The following BTN3A3 variants were observed in gnomAD, a reference collection of about 807,000 sequenced individuals.
The protein encoded by BTN3A3 is butyrophilin 3.
Under a neutral mutation model 43.2 loss-of-function variants are expected in BTN3A3, and 39 were observed. That is an observed-to-expected ratio of 0.90 (90% CI 0.70 to 1.18). The LOEUF (loss-of-function observed/expected upper bound fraction) is 1.18. BTN3A3 is among the 50% of genes most tolerant of loss of function. The probability of loss-of-function intolerance (pLI) is 0.00; values close to 1 mark genes in which losing one functional copy is unlikely to be tolerated. For synonymous variants in BTN3A3, 255 were observed against 272.7 expected (o/e 0.93, Z 0.64); for missense variants, 631 against 722.8 (o/e 0.87, Z 1.46).
At chr6:26,443,034 C>T (rs894553669) in intron 1 of BTN3A3, among the ~76,000 whole-genome samples, 1 of 152,204 alleles carries the variant, frequency 6.6e-6, no homozygotes, top group Non-Finnish European at 1.5e-5. Context: ...CTCTCCTAAT[C>T]AATATCTTTG....
At chr6:26,450,753 A>C (rs1762908559) in intron 10 of BTN3A3, among the ~76,000 whole-genome samples, 1 of 152,194 alleles carries the variant, frequency 6.6e-6, no homozygotes, top group South Asian at 2.1e-4. Flanking sequence ...GGTTCCCAAC[A>C]GTGGGGAGCT....
intron 1 of BTN3A3, among the ~76,000 whole-genome samples, chr6:26,443,145 A>G (rs1213206469): frequency 6.6e-6 from 1 of 152,168 alleles, no homozygotes; most frequent in African/African-American, 2.4e-5. Flanking sequence ...AGTTGACTGT[A>G]GTAATGGCCA....
rs1469977766 is a variant in BTN3A3 at position 26,452,931 on chromosome 6, G to A, written c.*520G>A. On this transcript the variant is annotated 3_prime_UTR_variant, in exon 11 of 11. Transcript: ENST00000244519. ...TTTCCCAGCTGATATCAGAGACTTA[G>A]ACCCAGCACTCCTTGGATTAGCTCT... The A allele has an allele frequency of 2.5e-5, 4 of 159,096 alleles. No homozygotes were observed. Among genetic ancestry groups the A allele is most frequent in the Non-Finnish European group, 5.6e-5 (4 of 71,748 alleles). The allele number at this position is 159,096 out of a possible 1,614,324, so 9.9% of individuals were successfully genotyped here. A position where few individuals can be genotyped will look rare whatever the true frequency, so the allele number is the denominator to read the frequency against.
At chr6:26,449,557 T>A in intron 8 of BTN3A3, 105 bp from the exon 9 acceptor site, 1 of 1,204,504 alleles carries the variant, frequency 8.3e-7, no homozygotes, top group Non-Finnish European at 1.2e-6. Flanking sequence ...CAGGGAAGAG[T>A]GGAATGGTCA....
intron 1 of BTN3A3, among the ~76,000 whole-genome samples, chr6:26,442,590 A>G (rs1049237721): frequency 3.9e-5 from 6 of 152,168 alleles, no homozygotes; most frequent in Non-Finnish European, 5.9e-5. Flanking sequence ...TACCTGCTGC[A>G]TTGAATTCCC....
chr6:26,447,582 C>A (rs941768921), intron 5 of BTN3A3, among the ~76,000 whole-genome samples: 8 of 152,296 alleles, frequency 5.3e-5, no homozygotes, highest in African/African-American at 1.9e-4. Context: ...AAGCTGGTCT[C>A]GACCTCCTGA....
chr6:26,450,225 G>A lies in BTN3A3; in HGVS notation c.1018+92G>A, dbSNP rs757053667. 3.7e-4 allele frequency: 543 copies of A among 1,485,798 alleles called. 2 individuals carry two copies. Among genetic ancestry groups the A allele is most frequent in the Non-Finnish European group, 4.8e-4 (515 of 1,077,988 alleles). The allele number at this position is 1,485,798 out of a possible 1,614,324, so 92.0% of individuals were successfully genotyped here. On this transcript the variant is annotated intron_variant, in intron 10 of 10. Coordinates refer to ENST00000244519, the MANE Select transcript of BTN3A3 (RefSeq NM_006994.5). The stretch of plus-strand genomic sequence containing the variant: ...AACTCTTGTGATTTAGGGAAGAAAA[G>A]TTCCCTTGACTAAGAAAGTTTGGGG...
intron 1 of BTN3A3, among the ~76,000 whole-genome samples, chr6:26,441,966 A>ACT (rs1762647715): frequency 1.3e-5 from 2 of 152,370 alleles, no homozygotes; most frequent in South Asian, 4.1e-4. Context: ...CAGTGATAAT[A>ACT]AAAATGATAC....
intron 1 of BTN3A3, among the ~76,000 whole-genome samples, chr6:26,441,222 A>T (rs1399820895): frequency 1.3e-5 from 2 of 152,198 alleles, no homozygotes; most frequent in South Asian, 2.1e-4. Context: ...GTTTTTAATG[A>T]AGGGCAATTA....
At chr6:26,446,042 G>T in intron 5 of BTN3A3, 57 bp downstream of exon 5, 1 of 1,599,594 alleles carries the variant, frequency 6.3e-7, no homozygotes, top group Non-Finnish European at 8.5e-7. Flanking sequence ...GGTGATGAAG[G>T]GGGATGTGTG....
chr6:26,448,349 C>G lies in BTN3A3; in HGVS notation c.817C>G (p.Gln273Glu). ...LAGASYFLWR[Q>E]QKEKIALSRE... is the part of the protein sequence containing the mutation. The stretch of plus-strand genomic sequence containing the variant: ...AGGAGCCAGTTACTTCTTGTGGAGA[C>G]AACAGAAGGAAAAAATTGCTCTGTC... Residue 273 changes from glutamine (Q) to glutamate (E), a missense_variant, in exon 6 of 11, where the codon CAA becomes GAA. Gln to Glu is a conservative substitution (Grantham distance 29, BLOSUM62 2). Around this residue, in one of 2 missense-constraint regions of BTN3A3, gnomAD observed 551 missense variants for 584.0 expected, o/e 0.94. Coordinates refer to ENST00000244519, the MANE Select transcript of BTN3A3 (RefSeq NM_006994.5). 1 of 1,613,666 alleles carries G rather than the reference C, an allele frequency of 6.2e-7. No individual in the cohort carries two copies. The highest frequency in any genetic ancestry group is 8.5e-7 in the Non-Finnish European group (1 of 1,179,924).
chr6:26,444,057 C>A lies in BTN3A3; in HGVS notation c.186C>A (p.Thr62=), dbSNP rs371864834. 1.1e-5 allele frequency: 18 copies of A among 1,613,832 alleles called. No homozygotes were observed. Among genetic ancestry groups the A allele is most frequent in the Non-Finnish European group, 1.4e-5 (16 of 1,179,872 alleles). The change falls in exon 4 of 11, where the codon ACC becomes ACA. Residue 62 remains threonine (T), a synonymous_variant. Coordinates refer to ENST00000244519, the MANE Select transcript of BTN3A3 (RefSeq NM_006994.5). The part of the protein sequence containing the change: ...CHLFPTMSAE[T]MELRWVSSSL... ...TGTTCCCGACCATGAGTGCAGAGAC[C>A]ATGGAGCTGAGGTGGGTGAGTTCCA...
chr6:26,451,646 C>G (rs1240692499), intron 10 of BTN3A3, 29 bp from the exon 11 acceptor site: 1 of 1,587,852 alleles, frequency 6.3e-7, no homozygotes, highest in Non-Finnish European at 8.6e-7. Flanking sequence ...ATGGCTGACC[C>G]CATGGACACC....
chr6:26,449,556 G>A, intron 8 of BTN3A3, 106 bp from the exon 9 acceptor site: 1 of 1,214,018 alleles, frequency 8.2e-7, no homozygotes. Context: ...ACAGGGAAGA[G>A]TGGAATGGTC....
chr6:26,442,373 C>T (rs900719957), intron 1 of BTN3A3, among the ~76,000 whole-genome samples: 4 of 152,200 alleles, frequency 2.6e-5, no homozygotes, highest in African/African-American at 9.7e-5. Flanking sequence ...AAAAGGCCAA[C>T]GTGTTCTTTT....
chr6:26,449,355 C>A (rs1762866283), intron 8 of BTN3A3: 1 of 364,872 alleles, frequency 2.7e-6, no homozygotes, highest in East Asian at 4.9e-5. Context: ...TACTCCTAGA[C>A]ATACACATAT....
chr6:26,445,158 T>C (rs1762742785), intron 4 of BTN3A3: 1 of 160,466 alleles, frequency 6.2e-6, no homozygotes, highest in African/African-American at 2.4e-5. Flanking sequence ...AAAGTACTAT[T>C]TTTTGTGTTC....
At position 26,452,487 on chromosome 6, in the gene BTN3A3, A is replaced by G; in HGVS notation, c.*76A>G. 7.8e-7 allele frequency: 1 copy of G among 1,287,752 alleles called. No homozygotes were observed. Among genetic ancestry groups the G allele is most frequent in the Non-Finnish European group, 1.0e-6 (1 of 958,186 alleles). The allele number at this position is 1,287,752 out of a possible 1,614,324, so 79.8% of individuals were successfully genotyped here. On this transcript the variant is annotated 3_prime_UTR_variant, in exon 11 of 11. Transcript: ENST00000244519. ...TATTGTCCCCTTATACAGATAAGGA[A>G]ACTGGGGTGCAGAAAGGTGAATTAA...
chr6:26,447,832 C>A (rs1048089561), intron 5 of BTN3A3, among the ~76,000 whole-genome samples: 1 of 152,108 alleles, frequency 6.6e-6, no homozygotes, highest in Non-Finnish European at 1.5e-5. Flanking sequence ...CCCTCTGACT[C>A]CACAGTTTAT....
Sources: gnomAD v4.1 joint callset for allele counts (sites outside exome capture counted in the v4.1 genomes callset) on GRCh38, gnomAD v4.1.1 for gene constraint, gnomAD v4.1.1 regional missense constraint, MANE v1.5 for transcripts, NCBI Gene and HGNC (gene_info 2026-07-23, HGNC 2026-07-21) for gene names.